The following CDKAL1 variants were observed in gnomAD, a reference collection of about 807,000 sequenced individuals.
CDKAL1 encodes threonylcarbamoyladenosine tRNA methylthiotransferase.
In CDKAL1, 32 loss-of-function variants were observed where a neutral mutation model predicts 68.2. The observed-to-expected ratio is 0.47, with a 90% confidence interval of 0.35 to 0.63. The LOEUF is 0.63. Ranked by LOEUF, CDKAL1 falls within the 30% of genes least tolerant of loss-of-function variation. CDKAL1 has a pLI of 0.00. For missense variants in CDKAL1, 606 were observed against 696.7 expected, an observed-to-expected ratio of 0.87 and a Z score of 1.47; for synonymous variants, 234 against 244.3, an observed-to-expected ratio of 0.96 and a Z score of 0.39.
chr6:21,122,646 T>C (rs1380888078), intron 13 of CDKAL1, among the ~76,000 whole-genome samples: 1 of 151,830 alleles, frequency 6.6e-6, no homozygotes, highest in Admixed American at 6.6e-5. Flanking sequence ...ATTTATTTAT[T>C]TATTTAGAGA....
chr6:20,765,249 C>G (rs1352065629), intron 7 of CDKAL1, among the ~76,000 whole-genome samples: 1 of 39,906 alleles, frequency 2.5e-5, no homozygotes. Flanking sequence ...CTCCGCCTCC[C>G]GGGTTCACGC....
At chr6:20,990,543 A>G (rs1222519627) in intron 10 of CDKAL1, among the ~76,000 whole-genome samples, 1 of 152,246 alleles carries the variant, frequency 6.6e-6, no homozygotes, top group Admixed American at 6.5e-5. Context: ...TTCCTGTTAC[A>G]GTTAAGTTAT....
chr6:20,573,820 A>C lies in CDKAL1; in HGVS notation c.286+25115A>C, dbSNP rs576872426. Among the ~76,000 whole-genome samples, 49 of 152,290 alleles carry C rather than the reference A, an allele frequency of 3.2e-4. 1 individual carries two copies. Among genetic ancestry groups the C allele is most frequent in the African/African-American group, 1.2e-3 (49 of 41,558 alleles). Reference sequence around the variant, plus strand: ...CCTATTGAATAAGGATGCCGTACAGAGATGAGCTTTTTGACCCACTGCTCT... The same window carrying C: ...CCTATTGAATAAGGATGCCGTACAGCGATGAGCTTTTTGACCCACTGCTCT... On this transcript the variant is annotated intron_variant, in intron 4 of 15. Transcript: ENST00000274695.
chr6:20,981,199 T>G (rs1766125341), intron 10 of CDKAL1, among the ~76,000 whole-genome samples: 1 of 152,206 alleles, frequency 6.6e-6, no homozygotes, highest in South Asian at 2.1e-4. Flanking sequence ...CAAGTTTATT[T>G]AGGAGAAAAT....
chr6:21,024,445 C>G (rs1171850512), intron 11 of CDKAL1, among the ~76,000 whole-genome samples: 2 of 151,622 alleles, frequency 1.3e-5, no homozygotes, highest in African/African-American at 4.8e-5. Context: ...CCCAGGAACT[C>G]AAGACCAGCC....
intron 10 of CDKAL1, among the ~76,000 whole-genome samples, chr6:20,975,039 A>G (rs1254913679): frequency 6.6e-6 from 1 of 151,412 alleles, no homozygotes; most frequent in Admixed American, 6.6e-5. Context: ...CATGACTCCA[A>G]AACAAGAAGA....
chr6:20,925,140 A>G (rs1415095638), intron 9 of CDKAL1, among the ~76,000 whole-genome samples: 3 of 152,238 alleles, frequency 2.0e-5, no homozygotes, highest in East Asian at 1.9e-4. Context: ...TCAGGCAGCA[A>G]CCATCAACAT....
chr6:21,206,494 T>C (rs935928467), intron 15 of CDKAL1, among the ~76,000 whole-genome samples: 14 of 152,222 alleles, frequency 9.2e-5, no homozygotes, highest in Admixed American at 2.0e-4. Context: ...ATTTCTAAGA[T>C]TGATTCTTAA....
At chr6:21,166,856 A>G (rs1349905573) in intron 13 of CDKAL1, among the ~76,000 whole-genome samples, 5 of 152,208 alleles carry the variant, frequency 3.3e-5, no homozygotes, top group Admixed American at 2.6e-4. Context: ...GCTCCTATTC[A>G]TATCTACATC....
intron 8 of CDKAL1, among the ~76,000 whole-genome samples, chr6:20,835,591 A>C (rs1418086289): frequency 6.6e-6 from 1 of 151,900 alleles, no homozygotes; most frequent in Admixed American, 6.6e-5. Flanking sequence ...CTTGTCAGCC[A>C]GGCTAGAGTG....
At chr6:20,664,455 T>C (rs545029700) in intron 5 of CDKAL1, among the ~76,000 whole-genome samples, 12 of 152,296 alleles carry the variant, frequency 7.9e-5, no homozygotes, top group African/African-American at 2.6e-4. Context: ...AGCAAGTTTA[T>C]GGCAAAACTA....
chr6:20,904,872 A>G (rs989882681), intron 9 of CDKAL1, among the ~76,000 whole-genome samples: 1 of 152,190 alleles, frequency 6.6e-6, no homozygotes, highest in Non-Finnish European at 1.5e-5. Context: ...GAGGACCTTA[A>G]GTTTACACCT....
At chr6:20,565,213 T>C (rs1764415434) in intron 4 of CDKAL1, among the ~76,000 whole-genome samples, 1 of 152,144 alleles carries the variant, frequency 6.6e-6, no homozygotes, top group African/African-American at 2.4e-5. Flanking sequence ...ACAAGACAGT[T>C]CCATTACTAT....
chr6:20,923,779 A>G (rs1014925976), intron 9 of CDKAL1, among the ~76,000 whole-genome samples: 4 of 152,174 alleles, frequency 2.6e-5, no homozygotes, highest in African/African-American at 9.7e-5. Flanking sequence ...TGTGAGGCTG[A>G]GGTGGGTGGA....
At chr6:21,137,654 C>T (rs1016645338) in intron 13 of CDKAL1, among the ~76,000 whole-genome samples, 2 of 152,060 alleles carry the variant, frequency 1.3e-5, no homozygotes, top group African/African-American at 4.8e-5. Context: ...ATTAACGAGT[C>T]TATTCACAGG....
Position 20,842,569 on chromosome 6 carries a change from C to T in CDKAL1, c.639-3506C>T, listed in dbSNP as rs539100254. Among the ~76,000 whole-genome samples the T allele has an allele frequency of 2.0e-5, 3 of 152,288 alleles. No individual in the cohort carries two copies. The South Asian group carries it at 6.2e-4, about 32-fold the overall frequency. On this transcript the variant is annotated intron_variant, in intron 8 of 15. Transcript: ENST00000274695. ...CATGTTGGCTGGGTGTGGTGGCTCA[C>T]GCCTGTAATCCCAGCACTTTGGGAG...
intron 4 of CDKAL1, among the ~76,000 whole-genome samples, chr6:20,634,377 TTAAC>T (rs975163583): frequency 3.2e-4 from 48 of 152,378 alleles, no homozygotes; most frequent in African/African-American, 1.1e-3. Flanking sequence ...AAATAAATGT[TTAAC>T]TAGCTGCAAA....
chr6:20,837,338 A>G (rs1382321555), intron 8 of CDKAL1, among the ~76,000 whole-genome samples: 2 of 152,060 alleles, frequency 1.3e-5, no homozygotes, highest in Admixed American at 6.5e-5. Context: ...TGTTAGAACA[A>G]TACCTTTTAT....
intron 12 of CDKAL1, among the ~76,000 whole-genome samples, chr6:21,088,814 C>T (rs899729190): frequency 1.3e-5 from 2 of 151,980 alleles, no homozygotes; most frequent in African/African-American, 2.4e-5. Context: ...TTATGGCAGG[C>T]GCCTGTAATC....
Sources: allele counts gnomAD v4.1 joint callset (sites outside exome capture counted in the v4.1 genomes callset), GRCh38; gene constraint gnomAD v4.1.1; transcripts MANE v1.5; gene names NCBI Gene and HGNC (gene_info 2026-07-23, HGNC 2026-07-21).